Variants in CDH12 observed in about 807,000 individuals in gnomAD.
CDH12 encodes cadherin 12, also known as cadherin-12.
CDH12 carries 41 observed loss-of-function variants against 74.1 expected under a neutral mutation model. The observed-to-expected ratio is 0.55, with a 90% CI of 0.43 to 0.72. The LOEUF is 0.72. CDH12 is among the 30% of genes least tolerant of loss of function. The pLI is 0.00. For missense variants in CDH12, 945 were observed against 977.2 expected (o/e 0.97, Z 0.44); for synonymous variants, 399 against 355.0 (o/e 1.12, Z -1.39).
At chr5:21,928,708 A>G (rs151225138) in intron 6 of CDH12, among the ~76,000 whole-genome samples, 2 of 152,184 alleles carry the variant, frequency 1.3e-5, no homozygotes, top group East Asian at 3.9e-4. Flanking sequence ...TGAGCTTTGC[A>G]TATTTACTCT....
intron 11 of CDH12, among the ~76,000 whole-genome samples, chr5:21,773,251 G>T (rs187072130): frequency 2.6e-5 from 4 of 152,212 alleles, no homozygotes; most frequent in Admixed American, 2.6e-4. Flanking sequence ...TTGGATTGAA[G>T]GATTCAAAAT....
chr5:21,839,905 T>C (rs1427112364), intron 8 of CDH12, among the ~76,000 whole-genome samples: 1 of 152,108 alleles, frequency 6.6e-6, no homozygotes, highest in Non-Finnish European at 1.5e-5. Context: ...TGATTGGTGT[T>C]AGATGTAATA....
chr5:22,495,541 A>G (rs577790297), intron 2 of CDH12, among the ~76,000 whole-genome samples: 331 of 152,278 alleles, frequency 2.2e-3, no homozygotes, highest in Middle Eastern at 0.014. Flanking sequence ...GCTATGGTGT[A>G]TGAAACATGA....
At chr5:22,134,456 G>T (rs1266181030) in intron 4 of CDH12, among the ~76,000 whole-genome samples, 1 of 151,872 alleles carries the variant, frequency 6.6e-6, no homozygotes, top group Non-Finnish European at 1.5e-5. Context: ...TTGAGAAGAG[G>T]AATGTGATAG....
intron 8 of CDH12, among the ~76,000 whole-genome samples, chr5:21,832,332 C>A (rs920503392): frequency 2.0e-5 from 3 of 151,988 alleles, no homozygotes; most frequent in African/African-American, 7.2e-5. Context: ...TAATAATAGC[C>A]ATGACAAATT....
intron 1 of CDH12, among the ~76,000 whole-genome samples, chr5:22,570,334 C>T (rs1739482768): frequency 6.6e-6 from 1 of 152,072 alleles, no homozygotes; most frequent in Non-Finnish European, 1.5e-5. Flanking sequence ...CAGGCATGAG[C>T]CACTGTGCCC....
intron 5 of CDH12, among the ~76,000 whole-genome samples, chr5:22,043,681 T>C (rs1468099774): frequency 6.6e-6 from 1 of 151,242 alleles, no homozygotes; most frequent in Non-Finnish European, 1.5e-5. Flanking sequence ...TGATCTTATG[T>C]ATAGAAAATC....
At chr5:22,424,933 G>A (rs563352123) in intron 2 of CDH12, among the ~76,000 whole-genome samples, 87 of 151,336 alleles carry the variant, frequency 5.7e-4, no homozygotes, top group African/African-American at 2.0e-3. Context: ...AACTCATTTT[G>A]AATATAAAAT....
chr5:22,134,177 A>G (rs1322743165), intron 4 of CDH12, among the ~76,000 whole-genome samples: 2 of 152,100 alleles, frequency 1.3e-5, no homozygotes, highest in African/African-American at 4.8e-5. Flanking sequence ...GATTCCATGA[A>G]TGGTAGATGA....
intron 3 of CDH12, among the ~76,000 whole-genome samples, chr5:22,244,752 G>GAAAGAA (rs1752877572): frequency 2.7e-5 from 2 of 73,678 alleles, no homozygotes; most frequent in Admixed American, 1.2e-4. Flanking sequence ...AAGAAAGAAA[G>GAAAGAA]AAAGAAAGAA....
intron 1 of CDH12, among the ~76,000 whole-genome samples, chr5:22,578,377 TTG>T (rs1275892144): frequency 7.9e-6 from 1 of 126,920 alleles, no homozygotes; most frequent in Non-Finnish European, 1.7e-5. Flanking sequence ...TAAACCAAGT[TTG>T]TGTGTGTGGG....
chr5:22,197,020 C>T (rs1750656525), intron 4 of CDH12, among the ~76,000 whole-genome samples: 1 of 152,000 alleles, frequency 6.6e-6, no homozygotes, highest in Non-Finnish European at 1.5e-5. Context: ...ACAAGTTTAC[C>T]TACATAAACC....
intron 5 of CDH12, among the ~76,000 whole-genome samples, chr5:22,061,973 G>A (rs1411220396): frequency 6.6e-6 from 1 of 152,032 alleles, no homozygotes; most frequent in Non-Finnish European, 1.5e-5. Flanking sequence ...CCATAAATAA[G>A]AAAGAGATGT....
intron 1 of CDH12, among the ~76,000 whole-genome samples, chr5:22,693,224 G>A (rs1361234529): frequency 6.6e-6 from 1 of 152,094 alleles, no homozygotes; most frequent in Non-Finnish European, 1.5e-5. Flanking sequence ...ATTGGCAAGG[G>A]AAAAGTCATT....
chr5:22,109,327 C>G (rs542575482), intron 4 of CDH12, among the ~76,000 whole-genome samples: 125 of 152,296 alleles, frequency 8.2e-4, no homozygotes, highest in Non-Finnish European at 1.5e-3. Flanking sequence ...AAAAGTCAAG[C>G]ATGCCTACTG....
rs138157819 is a variant in CDH12, at chr5:22,334,998, G to A, written c.-333+70259C>T. Among the ~76,000 whole-genome samples the A allele has an allele frequency of 9.4e-3, 1,432 of 152,094 alleles. 16 individuals carry two copies. Among genetic ancestry groups the A allele is most frequent in the Non-Finnish European group, 0.013 (880 of 67,992 alleles). ...ACCAAAGCAAAAATTGACAAATGGG[G>A]TTACATCAAGTTAAAAAGCTTCTGC... On this transcript the variant is annotated intron_variant, in intron 3 of 14. Transcript: ENST00000382254.
chr5:22,026,233 A>C lies in CDH12; in HGVS notation c.232-50848T>G, dbSNP rs192649225. On this transcript the variant is annotated intron_variant, in intron 5 of 14. Transcript: ENST00000382254. ...ATTTGCAGGTGGCTAAAAGCAACAC[A>C]AATGGGGCCAAACTGGTTAGACATG... Among the ~76,000 whole-genome samples the C allele has an allele frequency of 5.9e-3, 896 of 152,320 alleles. 5 individuals are homozygous for C. Among genetic ancestry groups the C allele is most frequent in the Middle Eastern group, 0.01 (3 of 294 alleles).
intron 1 of CDH12, among the ~76,000 whole-genome samples, chr5:22,654,444 C>G (rs189315430): frequency 1.3e-4 from 20 of 151,852 alleles, no homozygotes; most frequent in African/African-American, 4.8e-4. Flanking sequence ...CACCTGCCTC[C>G]ACCGCCGGCT....
intron 1 of CDH12, among the ~76,000 whole-genome samples, chr5:22,704,372 C>A (rs1462275938): frequency 6.6e-6 from 1 of 152,030 alleles, no homozygotes; most frequent in Non-Finnish European, 1.5e-5. Flanking sequence ...TTTGCATAAT[C>A]CAGTGCAAGT....
Sources: gnomAD v4.1 joint callset for allele counts (sites outside exome capture counted in the v4.1 genomes callset) on GRCh38, gnomAD v4.1.1 for gene constraint, MANE v1.5 for transcripts, NCBI Gene and HGNC (gene_info 2026-07-23, HGNC 2026-07-21) for gene names.